The following RNF213 variants were observed in gnomAD, a reference collection of about 807,000 sequenced individuals.
RNF213 encodes E3 ubiquitin-protein ligase RNF213.
Under a neutral mutation model 514.4 loss-of-function variants are expected in RNF213, and 341 were observed. The ratio of observed to expected loss-of-function variants is 0.66; its 90% CI spans 0.61 to 0.73. The LOEUF (loss-of-function observed/expected upper bound fraction) is 0.73. Among genes scored for constraint, RNF213 ranks in the 30% least tolerant of loss-of-function variants. The pLI, the probability that RNF213 is intolerant of heterozygous loss-of-function variation, is 0.00. For missense variants in RNF213, 5,767 were observed against 6,615.6 expected, an observed-to-expected ratio of 0.87 and a Z score of 4.45; for synonymous variants, 2,655 against 2,658.2, an observed-to-expected ratio of 1.00 and a Z score of 0.04.
At chr17:80,272,377 C>G (rs1248340011) in intron 2 of RNF213, among the ~76,000 whole-genome samples, 2 of 152,230 alleles carry the variant, frequency 1.3e-5, no homozygotes, top group East Asian at 3.8e-4. Context: ...GGGCCTGGCC[C>G]TGATGTCTGG....
chr17:80,397,116 C>T lies in RNF213; in HGVS notation c.*3618C>T, dbSNP rs1568183461. On this transcript the variant is annotated 3_prime_UTR_variant, in exon 68 of 68. Transcript: ENST00000582970. ...AGAACCCACGATCTTTGCCCCATCG[C>T]CACAGGTCCATGAGTGACTCCTAAT... 3.3e-5 allele frequency: 5 copies of T among 152,562 alleles called. 1 individual carries two copies. Among genetic ancestry groups the T allele is most frequent in the Admixed American group, 6.5e-5 (1 of 15,280 alleles). The allele number at this position is 152,562 out of a possible 1,614,324, so 9.5% of individuals were successfully genotyped here. A position where few individuals can be genotyped will look rare whatever the true frequency, so the allele number is the denominator to read the frequency against.
Position 80,263,966 on chromosome 17 carries a change from G to A in RNF213, c.97+188G>A, listed in dbSNP as rs2043518007. On this transcript the variant is annotated intron_variant, in intron 2 of 67. Transcript: ENST00000582970. The surrounding 1 kb of genome is among the most constrained non-coding windows in gnomAD (Gnocchi z 4.9). ...GTGACCACAGAGTCTGTTTTGGGGT[G>A]GCATAGATTAGTCTCCCACACAGGT... Among the ~76,000 whole-genome samples the A allele has an allele frequency of 6.6e-6, 1 of 152,168 alleles. No homozygotes were observed. Among genetic ancestry groups the A allele is most frequent in the Non-Finnish European group, 1.5e-5 (1 of 68,028 alleles).
chr17:80,340,481 C>A, intron 26 of RNF213, 125 bp downstream of exon 26: 2 of 906,840 alleles, frequency 2.2e-6, no homozygotes, highest in Non-Finnish European at 1.7e-6. Context: ...TGTGATTCAT[C>A]TGTGGGTGTC....
At chr17:80,322,237 T>C (rs1307713449) in intron 17 of RNF213, among the ~76,000 whole-genome samples, 1 of 124,864 alleles carries the variant, frequency 8.0e-6, no homozygotes, top group East Asian at 2.6e-4. Flanking sequence ...CACAGCTCAC[T>C]ACAGCCTCAA....
At chr17:80,331,247 A>C (rs927252398) in intron 20 of RNF213, among the ~76,000 whole-genome samples, 21 of 152,240 alleles carry the variant, frequency 1.4e-4, no homozygotes, top group African/African-American at 4.1e-4. Flanking sequence ...CTCAGCTCTC[A>C]GTGTTGCCCA....
intron 8 of RNF213, among the ~76,000 whole-genome samples, chr17:80,293,986 C>T (rs894545423): frequency 6.6e-6 from 1 of 152,138 alleles, no homozygotes; most frequent in African/African-American, 2.4e-5. Flanking sequence ...AACTGTGGGT[C>T]GAAAGCATGG....
chr17:80,328,191 C>T (rs2046327620), intron 19 of RNF213, 137 bp from the exon 20 acceptor site: 1 of 1,183,292 alleles, frequency 8.5e-7, no homozygotes, highest in African/African-American at 1.5e-5. Context: ...ATGGCCATCT[C>T]GAAAAAGTGG....
rs540406834 is a variant in RNF213 at position 80,394,736 on chromosome 17, G to A, written c.*1238G>A. The stretch of plus-strand genomic sequence containing the variant: ...ATGCACACCTTGAGCAGCGCCGGCA[G>A]GAGGCACGGAAGGAACTGTGCTCCG... On this transcript the variant is annotated 3_prime_UTR_variant, in exon 68 of 68. Coordinates refer to ENST00000582970, the MANE Select transcript of RNF213 (RefSeq NM_001256071.3). The A allele has an allele frequency of 6.6e-5, 10 of 152,334 alleles. No homozygotes were observed. The East Asian group carries it at 1.9e-3, about 29-fold the overall frequency. The allele number at this position is 152,334 out of a possible 1,614,324, so 9.4% of individuals were successfully genotyped here. A position where few individuals can be genotyped will look rare whatever the true frequency, so the allele number is the denominator to read the frequency against.
At chr17:80,382,407 G>C (rs997373585) in intron 57 of RNF213, 5 of 158,456 alleles carry the variant, frequency 3.2e-5, no homozygotes, top group Admixed American at 1.9e-4. Context: ...AACAATAATA[G>C]CAAGAAGAAG....
At position 80,306,337 on chromosome 17, in the gene RNF213, CCT is replaced by C. The variant is rs745937199; in HGVS notation, c.2299_2300del (p.Leu767GlufsTer12). On this transcript the variant is annotated frameshift_variant, in exon 12 of 68. Coordinates refer to ENST00000582970, the MANE Select transcript of RNF213 (RefSeq NM_001256071.3). LOFTEE classifies it high-confidence loss of function. ...CTTCCGGTCCTGGTTTAGTCTGCTA[CCT>C]CTGAGTCACCTGGTTATGTATATGG... ...PLFRSWFSLL[P>X]LSHLVMYMEN... The C allele has an allele frequency of 5.0e-6, 8 of 1,614,028 alleles. No homozygotes were observed. The highest frequency in any genetic ancestry group is 1.7e-5 in the Admixed American group (1 of 59,978).
chr17:80,334,340 C>T, intron 22 of RNF213, 70 bp downstream of exon 22: 1 of 1,452,882 alleles, frequency 6.9e-7, no homozygotes, highest in Admixed American at 2.5e-5. Context: ...TGTGGCGTTC[C>T]TAAACTCTTT....
rs149316372 is a variant in RNF213 at position 80,310,338 on chromosome 17, C to T, written c.2655+1167C>T. Among the ~76,000 whole-genome samples, 278 of 152,140 alleles carry T rather than the reference C, an allele frequency of 1.8e-3. 9 individuals are homozygous for T. The South Asian group carries it at 0.027, about 15-fold the overall frequency. ...CGCCATCTCAGCTCACTGCAATCTC[C>T]GCCTCCTAGGTTCAAGTGATTCTCC... On this transcript the variant is annotated intron_variant, in intron 14 of 67. Coordinates refer to ENST00000582970, the MANE Select transcript of RNF213 (RefSeq NM_001256071.3).
Position 80,288,735 on chromosome 17 carries a change from C to T in RNF213, c.913C>T (p.Pro305Ser). Reference sequence around the variant, plus strand: ...GAAACAGCCACCAGCAACCACTCCTCCTTTCAAAACACACTGCCAGGTGCG... The same window carrying T: ...GAAACAGCCACCAGCAACCACTCCTTCTTTCAAAACACACTGCCAGGTGCG... ...RMKQPPATTPPFKTHCQEAET... is the reference protein window; with the variant it reads ...RMKQPPATTPSFKTHCQEAET... Residue 305 changes from proline (P) to serine (S), a missense_variant, in exon 5 of 68, where the codon CCT becomes TCT. By Grantham distance (74) the Pro-to-Ser change is moderately conservative. Around this residue, in one of 13 missense-constraint regions of RNF213, gnomAD observed 509 missense variants for 496.7 expected, o/e 1.02. Transcript: ENST00000582970. This position sits in a 1 kb window ranked among gnomAD's most constrained non-coding sequence, Gnocchi z 4.9. The T allele has an allele frequency of 2.5e-6, 4 of 1,614,206 alleles. No individual in the cohort carries two copies. Among genetic ancestry groups the T allele is most frequent in the South Asian group, 1.1e-5 (1 of 91,086 alleles).
chr17:80,327,613 G>T (rs1012460836), intron 18 of RNF213, among the ~76,000 whole-genome samples: 4 of 152,224 alleles, frequency 2.6e-5, no homozygotes, highest in African/African-American at 7.2e-5. Context: ...TTGTTCAGGG[G>T]ATGAATCTGG....
chr17:80,346,011 T>A lies in RNF213; in HGVS notation c.7676T>A (p.Ile2559Asn). Residue 2559 changes from isoleucine to asparagine, a missense_variant, in exon 29 of 68, where the codon ATT becomes AAT. Ile to Asn is a moderately radical substitution (Grantham distance 149). Transcript: ENST00000582970. This position sits in a 1 kb window ranked among gnomAD's most constrained non-coding sequence, Gnocchi z 8.1. ...GAGACGGCCGACAGGCTGGGCTCCA[T>A]TCCTCTGAGGCAGCTGGTATACCGG... ...MEETADRLGS[I>N]PLRQLVYRVH... The A allele has an allele frequency of 6.2e-7, 1 of 1,614,186 alleles. No individual in the cohort carries two copies. Among genetic ancestry groups the A allele is most frequent in the South Asian group, 1.1e-5 (1 of 91,082 alleles).
chr17:80,339,608 G>A lies in RNF213; in HGVS notation c.5241G>A (p.Gly1747=). 1 of 1,537,224 alleles carries A rather than the reference G, an allele frequency of 6.5e-7. No individual in the cohort carries two copies. Among genetic ancestry groups the A allele is most frequent in the Non-Finnish European group, 8.7e-7 (1 of 1,146,900 alleles). The change falls in exon 26 of 68, where the codon GGG becomes GGA. Residue 1747 remains glycine (G), a synonymous_variant. Transcript: ENST00000582970. The part of the protein sequence containing the change: ...TLRDVLRASV[G]CGSEAARYRM... ...GGGATGTCTTAAGGGCCTCTGTGGG[G>A]TGTGGGAGTGAGGCCGCCAGGTACC...
chr17:80,307,149 G>T lies in RNF213; in HGVS notation c.2449G>T (p.Val817Phe). 1 of 1,613,626 alleles carries T rather than the reference G, an allele frequency of 6.2e-7. No individual in the cohort carries two copies. Residue 817 changes from valine (V) to phenylalanine (F), a missense_variant, in exon 13 of 68, where the codon GTT (valine) becomes TTT (phenylalanine). Physicochemically the swap from Val to Phe is conservative, Grantham distance 50. Coordinates refer to ENST00000582970, the MANE Select transcript of RNF213 (RefSeq NM_001256071.3). ...TTAGGATGTTCAGGATGTTCAGAAC[G>T]TTCAGAACATTTTAGAAATGCTGTT... ...NTQDVQDVQN[V>F]QNILEMLLRL...
In RNF213 at chr17:80,325,391, T is replaced by G. The variant is rs1599027380; in HGVS notation, c.3193+193T>G. On this transcript the variant is annotated intron_variant, in intron 18 of 67. Transcript: ENST00000582970. ...TTGCGTTGTAAATAATAACTAATGC[T>G]AACAGCCACTATTCATTGAATGCTT... is the stretch of plus-strand genomic sequence containing the variant. Among the ~76,000 whole-genome samples the G allele has an allele frequency of 2.0e-5, 3 of 152,162 alleles. No individual in the cohort carries two copies. The East Asian group carries it at 5.8e-4, about 29-fold the overall frequency.
chr17:80,368,288 G>A (rs1599151155), intron 44 of RNF213, 145 bp downstream of exon 44: 4 of 832,786 alleles, frequency 4.8e-6, no homozygotes, highest in Non-Finnish European at 6.0e-6. Flanking sequence ...CGCCACTTAC[G>A]TACTTTCATA....
Sources: allele counts gnomAD v4.1 joint callset (sites outside exome capture counted in the v4.1 genomes callset), GRCh38; gene constraint gnomAD v4.1.1; regional missense constraint gnomAD v4.1.1; non-coding constraint Gnocchi (gnomAD v3.1); transcripts MANE v1.5; gene names NCBI Gene and HGNC (gene_info 2026-07-23, HGNC 2026-07-21).